The following PITPNC1 variants were observed in gnomAD, a reference collection of about 807,000 sequenced individuals.
The protein encoded by PITPNC1 is cytoplasmic phosphatidylinositol transfer protein 1.
In PITPNC1, 18 loss-of-function variants were observed where a neutral mutation model predicts 44.7. That is an observed-to-expected ratio of 0.40 (90% CI 0.28 to 0.60). The LOEUF (loss-of-function observed/expected upper bound fraction) is 0.60, where lower values mean the gene tolerates loss of function less well. PITPNC1 is among the 20% of genes least tolerant of loss of function. PITPNC1 has a pLI of 0.39. For synonymous variants in PITPNC1, 141 were observed against 149.6 expected (o/e 0.94, Z 0.42); for missense variants, 290 against 418.4 (o/e 0.69, Z 2.68).
Position 67,565,631 on chromosome 17 carries a change from ATGTTTTGCAGAGTGTGTACTAGTTTTCCG to A in PITPNC1, c.294+12021_294+12049del, listed in dbSNP as rs1374019790. 4.0e-5 allele frequency among the ~76,000 whole-genome samples: 5 copies of A among 124,590 alleles called. 1 individual carries two copies. In the East Asian group the frequency reaches 7.6e-4, roughly 19 times the overall value. The allele number at this position is 124,590 out of a possible 152,430, so 81.7% of individuals were successfully genotyped here. A position where few individuals can be genotyped will look rare whatever the true frequency, so the allele number is the denominator to read the frequency against. ...TTTCCAGTGTGTATACTTGTTTTCC[ATGTTTTGCAGAGTGTGTACTAGTTTTCCG>A]TGTTTTTCAGTGTGTATACTAGTTT... On this transcript the variant is annotated intron_variant, in intron 4 of 8. Coordinates refer to ENST00000581322, the MANE Select transcript of PITPNC1 (RefSeq NM_012417.4).
At chr17:67,586,815 C>G (rs756934363) in intron 5 of PITPNC1, among the ~76,000 whole-genome samples, 1 of 152,142 alleles carries the variant, frequency 6.6e-6, no homozygotes, top group Non-Finnish European at 1.5e-5. Flanking sequence ...AAAATGTTTG[C>G]TCTGGCTGTT....
At chr17:67,426,118 G>C (rs1411480988) in intron 1 of PITPNC1, among the ~76,000 whole-genome samples, 1 of 152,128 alleles carries the variant, frequency 6.6e-6, no homozygotes, top group African/African-American at 2.4e-5. Context: ...AATTACATAT[G>C]TTTGGCTGTG....
intron 1 of PITPNC1, among the ~76,000 whole-genome samples, chr17:67,391,349 T>G (rs1466601214): frequency 2.0e-5 from 3 of 152,100 alleles, no homozygotes; most frequent in Non-Finnish European, 4.4e-5. Flanking sequence ...CCATGTCATC[T>G]TACACACACA....
intron 1 of PITPNC1, among the ~76,000 whole-genome samples, chr17:67,448,475 G>C (rs2039131407): frequency 1.3e-5 from 2 of 152,270 alleles, no homozygotes; most frequent in Admixed American, 1.3e-4. Context: ...GCATGTAGCT[G>C]CAGCCTAGAA....
At chr17:67,417,600 C>T (rs1292829144) in intron 1 of PITPNC1, among the ~76,000 whole-genome samples, 1 of 152,146 alleles carries the variant, frequency 6.6e-6, no homozygotes, top group Non-Finnish European at 1.5e-5. Flanking sequence ...CTTGTATTTT[C>T]TGTAAAATTC....
chr17:67,553,720 G>A (rs1450097429), intron 4 of PITPNC1, 103 bp downstream of exon 4: 3 of 477,218 alleles, frequency 6.3e-6, no homozygotes, highest in Admixed American at 8.4e-5. Context: ...ATTAAAAAGG[G>A]GAATAATTCC....
chr17:67,492,961 C>T (rs1216491988), intron 1 of PITPNC1, among the ~76,000 whole-genome samples: 2 of 152,194 alleles, frequency 1.3e-5, no homozygotes. Flanking sequence ...AATTCTGTTT[C>T]GTTCCTTTCT....
At chr17:67,434,942 A>C (rs374687206) in intron 1 of PITPNC1, among the ~76,000 whole-genome samples, 1,591 of 151,572 alleles carry the variant, frequency 0.01, 33 homozygotes, top group African/African-American at 0.037. Context: ...AACCCCGTCT[A>C]TACTAAAAAT....
intron 6 of PITPNC1, among the ~76,000 whole-genome samples, chr17:67,664,386 C>T (rs989510446): frequency 2.0e-5 from 3 of 152,220 alleles, no homozygotes; most frequent in Non-Finnish European, 2.9e-5. Context: ...AGTCTCCAGA[C>T]TGCTTTCCAC....
chr17:67,549,817 C>T (rs961388565), intron 2 of PITPNC1, among the ~76,000 whole-genome samples: 3 of 152,136 alleles, frequency 2.0e-5, no homozygotes, highest in Admixed American at 6.6e-5. Context: ...GAGACATATG[C>T]GCTTTGTCTA....
intron 2 of PITPNC1, 123 bp downstream of exon 2, chr17:67,533,073 C>T (rs2040484649): frequency 4.4e-6 from 3 of 688,108 alleles, no homozygotes; most frequent in Non-Finnish European, 7.3e-6. Context: ...CGTCCACCGT[C>T]TACGACCACC....
intron 1 of PITPNC1, among the ~76,000 whole-genome samples, chr17:67,419,502 T>C (rs1050155400): frequency 3.9e-5 from 6 of 152,194 alleles, no homozygotes; most frequent in Admixed American, 6.6e-5. Flanking sequence ...CTTCCCTACC[T>C]ACTTGGGACA....
chr17:67,683,137 G>A (rs189846329), intron 8 of PITPNC1, among the ~76,000 whole-genome samples: 13 of 143,720 alleles, frequency 9.0e-5, no homozygotes, highest in East Asian at 8.0e-4. Context: ...ACTCCAGCCC[G>A]GGTGACAAGA....
At chr17:67,654,779 C>T (rs968885369) in intron 6 of PITPNC1, among the ~76,000 whole-genome samples, 15 of 152,114 alleles carry the variant, frequency 9.9e-5, no homozygotes, top group East Asian at 1.9e-4. Flanking sequence ...ACAACAGGAG[C>T]GCGCCACCAC....
chr17:67,631,053 GTTATTATTA>G (rs56142240), intron 5 of PITPNC1, among the ~76,000 whole-genome samples: 3,763 of 127,736 alleles, frequency 0.029, 88 homozygotes, highest in African/African-American at 0.071. Context: ...TGTTGTTGTT[GTTATTATTA>G]TTATTATTAT....
Position 67,485,176 on chromosome 17 carries a change from G to A in PITPNC1, c.49-47626G>A, listed in dbSNP as rs553965678. On this transcript the variant is annotated intron_variant, in intron 1 of 8. Transcript: ENST00000581322. ...ACTTGGCTAAACTGTCTTCATATACGTATGTATGCATGTGTTTGGTTCCCG... is the reference window on the plus strand; with the variant it reads ...ACTTGGCTAAACTGTCTTCATATACATATGTATGCATGTGTTTGGTTCCCG... 7.2e-5 allele frequency among the ~76,000 whole-genome samples: 11 copies of A among 152,108 alleles called. 1 individual carries two copies. The highest frequency in any genetic ancestry group is 3.9e-4 in the East Asian group (2 of 5,168).
chr17:67,644,425 ATTTTTTT>A (rs750245444), intron 6 of PITPNC1, among the ~76,000 whole-genome samples: 160 of 109,044 alleles, frequency 1.5e-3, no homozygotes, highest in Middle Eastern at 0.01. Flanking sequence ...TCCCTCTGTA[ATTTTTTT>A]TTTTTTTTTT....
chr17:67,425,759 C>T (rs1187731306), intron 1 of PITPNC1, among the ~76,000 whole-genome samples: 3 of 152,028 alleles, frequency 2.0e-5, no homozygotes, highest in African/African-American at 4.8e-5. Flanking sequence ...AAACTCCTAG[C>T]CTTACGTGAT....
Position 67,482,867 on chromosome 17 carries a change from G to A in PITPNC1, c.49-49935G>A, listed in dbSNP as rs544829747. ...ACCAGTTGCCTGCTTTGACAGATGAGGTACTGCAATGCAGAGAGGTCAAGC... is the reference window on the plus strand; with the variant it reads ...ACCAGTTGCCTGCTTTGACAGATGAAGTACTGCAATGCAGAGAGGTCAAGC... On this transcript the variant is annotated intron_variant, in intron 1 of 8. Coordinates refer to ENST00000581322, the MANE Select transcript of PITPNC1 (RefSeq NM_012417.4). Among the ~76,000 whole-genome samples the A allele has an allele frequency of 4.5e-4, 68 of 152,292 alleles. 1 individual carries two copies. The highest frequency in any genetic ancestry group is 1.4e-3 in the African/African-American group (58 of 41,568).
Sources: gnomAD v4.1 joint callset for allele counts (sites outside exome capture counted in the v4.1 genomes callset) on GRCh38, gnomAD v4.1.1 for gene constraint, MANE v1.5 for transcripts, NCBI Gene and HGNC (gene_info 2026-07-23, HGNC 2026-07-21) for gene names.